Variants in MTA3 observed in about 807,000 individuals in gnomAD.
MTA3 encodes metastasis associated 1 family member 3, also known as metastasis-associated protein MTA3.
MTA3 carries 34 observed loss-of-function variants against 83.5 expected under a neutral mutation model. That is an observed-to-expected ratio of 0.41 (90% CI 0.31 to 0.54). MTA3 has a LOEUF of 0.54. Ranked by LOEUF, MTA3 falls within the 20% of genes least tolerant of loss-of-function variation. The pLI is 0.33. For missense variants in MTA3, 761 were observed against 726.4 expected, an observed-to-expected ratio of 1.05 and a Z score of -0.55; for synonymous variants, 303 against 252.7, an observed-to-expected ratio of 1.20 and a Z score of -1.89.
At chr2:42,701,926 A>G (rs974300704) in intron 11 of MTA3, among the ~76,000 whole-genome samples, 5 of 128,976 alleles carry the variant, frequency 3.9e-5, no homozygotes, top group Non-Finnish European at 8.3e-5. Flanking sequence ...AAAAAAATAA[A>G]TAGGCTGGGC....
chr2:42,609,869 C>T (rs1170254833), intron 4 of MTA3, among the ~76,000 whole-genome samples: 3 of 152,124 alleles, frequency 2.0e-5, no homozygotes, highest in Admixed American at 6.6e-5. Flanking sequence ...GAGGCTGAGG[C>T]GGGCGTATCA....
At chr2:42,689,377 G>A (rs895696381) in intron 9 of MTA3, among the ~76,000 whole-genome samples, 2 of 152,102 alleles carry the variant, frequency 1.3e-5, no homozygotes, top group Non-Finnish European at 2.9e-5. Context: ...TGATTTCCTT[G>A]TAATATTTTT....
chr2:42,587,656 GCA>G (rs1274484751), intron 3 of MTA3, among the ~76,000 whole-genome samples: 1 of 151,950 alleles, frequency 6.6e-6, no homozygotes, highest in Non-Finnish European at 1.5e-5. Context: ...GAGTGTAGTG[GCA>G]CAGTCTCAGC....
intron 5 of MTA3, among the ~76,000 whole-genome samples, chr2:42,640,990 T>C (rs1687642341): frequency 6.6e-6 from 1 of 152,148 alleles, no homozygotes; most frequent in South Asian, 2.1e-4. Context: ...CACTGCAACC[T>C]CCGCCTCCCG....
chr2:42,606,108 G>C (rs1408324044), intron 3 of MTA3, among the ~76,000 whole-genome samples: 1 of 136,446 alleles, frequency 7.3e-6, no homozygotes, highest in African/African-American at 2.7e-5. Flanking sequence ...GTGGCTGGCC[G>C]GGCTGAGGGG....
chr2:42,750,128 A>AC (rs112791179), intron 16 of MTA3, among the ~76,000 whole-genome samples: 193 of 152,122 alleles, frequency 1.3e-3, no homozygotes, highest in African/African-American at 4.3e-3. Flanking sequence ...AGTAGCTGGG[A>AC]TACAGGTGCG....
chr2:42,590,689 C>T (rs570518624), intron 3 of MTA3, among the ~76,000 whole-genome samples: 31 of 145,026 alleles, frequency 2.1e-4, no homozygotes, highest in Non-Finnish European at 4.2e-4. Flanking sequence ...GGTGCGATCT[C>T]GGCTCACTGC....
intron 2 of MTA3, among the ~76,000 whole-genome samples, chr2:42,563,222 C>G (rs1442355450): frequency 2.0e-5 from 3 of 152,124 alleles, no homozygotes; most frequent in African/African-American, 4.8e-5. Context: ...TCAACACTTC[C>G]CATTGATTCT....
chr2:42,741,773 A>G (rs1186786847), intron 16 of MTA3, among the ~76,000 whole-genome samples: 1 of 152,184 alleles, frequency 6.6e-6, no homozygotes, highest in Non-Finnish European at 1.5e-5. Context: ...CAAAACAATT[A>G]CAATAGTAAC....
intron 4 of MTA3, among the ~76,000 whole-genome samples, chr2:42,627,341 C>G (rs988439658): frequency 2.0e-5 from 3 of 152,098 alleles, no homozygotes; most frequent in Non-Finnish European, 4.4e-5. Flanking sequence ...GCCTTCCAAA[C>G]CACTGCCAGG....
At chr2:42,678,983 G>C (rs1307263526) in intron 8 of MTA3, among the ~76,000 whole-genome samples, 1 of 152,130 alleles carries the variant, frequency 6.6e-6, no homozygotes. Flanking sequence ...ACAAGCCTGT[G>C]AGGTAGGCAG....
rs1325001015 is a variant in MTA3, at chr2:42,654,285, A to G, written c.500-1915A>G. Among the ~76,000 whole-genome samples, 4 of 152,120 alleles carry G rather than the reference A, an allele frequency of 2.6e-5. No homozygotes were observed. In the East Asian group the frequency reaches 7.7e-4, roughly 29 times the overall value. ...TGCCTGCTTCTGTCCTCTCCTTTCC[A>G]TTGATACCTGCTTGCTCCTATACTA... On this transcript the variant is annotated intron_variant, in intron 6 of 16. Coordinates refer to ENST00000405094, the MANE Select transcript of MTA3 (RefSeq NM_001330442.2).
rs1372627801 is a variant in MTA3 at position 42,667,611 on chromosome 2, TAG to T, written c.702+7757_702+7758del. On this transcript the variant is annotated intron_variant, in intron 8 of 16. Coordinates refer to ENST00000405094, the MANE Select transcript of MTA3 (RefSeq NM_001330442.2). The stretch of plus-strand genomic sequence containing the variant: ...GTGTGTGTGTGTGTGTGTGTGTGTA[TAG>T]AGAGAGAAAGAGAGAGAGAGAGAGA... Among the ~76,000 whole-genome samples, 14 of 120,500 alleles carry T rather than the reference TAG, an allele frequency of 1.2e-4. No individual in the cohort carries two copies. The South Asian group carries it at 1.5e-3, about 13-fold the overall frequency. 79.1% of individuals were successfully genotyped at this position (120,500 alleles called of 152,430 possible).
chr2:42,646,048 T>C (rs985948047), intron 6 of MTA3, among the ~76,000 whole-genome samples: 2 of 152,210 alleles, frequency 1.3e-5, no homozygotes, highest in African/African-American at 2.4e-5. Context: ...CCCAGACCTC[T>C]TAAGAATTAC....
chr2:42,614,552 T>C (rs1323451311), intron 4 of MTA3, among the ~76,000 whole-genome samples: 1 of 152,240 alleles, frequency 6.6e-6, no homozygotes, highest in African/African-American at 2.4e-5. Flanking sequence ...AGCTATTTCT[T>C]TTATCTCATC....
At chr2:42,709,139 G>T in intron 14 of MTA3, 43 bp downstream of exon 14, 1 of 1,528,676 alleles carries the variant, frequency 6.5e-7, no homozygotes, top group South Asian at 1.3e-5. Context: ...TTGTGCTTCT[G>T]ACCATTTTCT....
intron 9 of MTA3, among the ~76,000 whole-genome samples, chr2:42,685,967 T>C (rs954928443): frequency 4.6e-5 from 7 of 152,234 alleles, no homozygotes; most frequent in Admixed American, 3.9e-4. Flanking sequence ...GTATTTCTTA[T>C]GACATGAAGT....
At chr2:42,709,693 T>A (rs1468762206) in intron 14 of MTA3, 1 of 152,254 alleles carries the variant, frequency 6.6e-6, no homozygotes, top group Non-Finnish European at 1.5e-5. Flanking sequence ...TTTAAACTCA[T>A]TTTTGGGTGA....
chr2:42,539,414 A>C (rs1330902185), intron 2 of MTA3, among the ~76,000 whole-genome samples: 3 of 151,906 alleles, frequency 2.0e-5, no homozygotes, highest in African/African-American at 2.4e-5. Flanking sequence ...AAATCATCAG[A>C]TCTCGTGAGA....
Sources: allele counts gnomAD v4.1 joint callset (sites outside exome capture counted in the v4.1 genomes callset), GRCh38; gene constraint gnomAD v4.1.1; transcripts MANE v1.5; gene names NCBI Gene and HGNC (gene_info 2026-07-23, HGNC 2026-07-21).